Variants in NOTCH1 observed in about 807,000 individuals in gnomAD.
The protein encoded by NOTCH1 is neurogenic locus notch homolog protein 1.
A neutral mutation model predicts 254.8 loss-of-function variants in NOTCH1; 37 were observed. The ratio of observed to expected loss-of-function variants is 0.15; its 90% CI spans 0.11 to 0.19. NOTCH1 has a LOEUF of 0.19. Among genes scored for constraint, NOTCH1 ranks in the 10% least tolerant of loss-of-function variants. NOTCH1 has a pLI of 1.00. For synonymous variants in NOTCH1, 1,731 were observed against 1,618.1 expected, an observed-to-expected ratio of 1.07 and a Z score of -1.68; for missense variants, 2,972 against 3,708.6, an observed-to-expected ratio of 0.80 and a Z score of 5.16.
intron 33 of NOTCH1, 117 bp downstream of exon 33, chr9:136,498,782 C>T (rs992687852): frequency 4.5e-5 from 55 of 1,226,402 alleles, no homozygotes; most frequent in African/African-American, 1.0e-4. Flanking sequence ...GCGGGCCCAG[C>T]GACCCTCGAG....
Position 136,506,561 on chromosome 9 carries a change from T to C in NOTCH1, c.3980A>G (p.Asn1327Ser), listed in dbSNP as rs751874720. 110 of 1,609,926 alleles carry C rather than the reference T, an allele frequency of 6.8e-5. 1 individual carries two copies. Among genetic ancestry groups the C allele is most frequent in the Non-Finnish European group, 8.8e-5 (104 of 1,179,306 alleles). ...CTTGCAGATGAACCCGCGGGCGGTG[T>C]TGGAGGCCACGGCGCAGGTGCCCCC... ...KNGGTCAVAS[N>S]TARGFICKCP... is the part of the protein sequence containing the mutation. Residue 1327 changes from asparagine to serine, a missense_variant, in exon 24 of 34, where the codon AAC becomes AGC. Asn to Ser is a conservative substitution (Grantham distance 46). Transcript: ENST00000651671. The surrounding 1 kb of genome is among the most constrained non-coding windows in gnomAD (Gnocchi z 4.5).
chr9:136,507,083 C>G, intron 22 of NOTCH1, 110 bp from the exon 23 acceptor site: 4 of 1,513,144 alleles, frequency 2.6e-6, no homozygotes, highest in Non-Finnish European at 3.6e-6. Flanking sequence ...CACGGACACT[C>G]GGGAGAGGCA....
At position 136,503,234 on chromosome 9, in the gene NOTCH1, C is replaced by T. The variant is rs201797774; in HGVS notation, c.5115G>A (p.Ala1705=). 26 of 1,612,800 alleles carry T rather than the reference C, an allele frequency of 1.6e-5. No homozygotes were observed. The East Asian group carries it at 4.9e-4, about 30-fold the overall frequency. ...SATDVAAFLG[A]LASLGSLNIP... ...TGTTGAGGCTGCCCAGCGAGGCGAG[C>T]GCTCCCAGGAATGCGGCCACGTCGG... Residue 1705 remains alanine, a synonymous_variant, in exon 27 of 34, where the codon GCG becomes GCA. Coordinates refer to ENST00000651671, the MANE Select transcript of NOTCH1 (RefSeq NM_017617.5).
intron 17 of NOTCH1, 44 bp from the exon 18 acceptor site, chr9:136,510,005 C>T (rs563839273): frequency 1.9e-6 from 3 of 1,569,642 alleles, no homozygotes; most frequent in Non-Finnish European, 2.6e-6. Flanking sequence ...AGGCACAAAC[C>T]CACACCTGCG....
At chr9:136,530,229 C>A (rs1031376851) in intron 2 of NOTCH1, among the ~76,000 whole-genome samples, 2 of 152,196 alleles carry the variant, frequency 1.3e-5, no homozygotes, top group Non-Finnish European at 2.9e-5. Flanking sequence ...GTTGCCGGCA[C>A]CCCCAGCTCT....
rs775954871 is a variant in NOTCH1, at chr9:136,509,979, G to T, written c.2741-18C>A. 6.2e-7 allele frequency: 1 copy of T among 1,609,672 alleles called. No homozygotes were observed. Among genetic ancestry groups the T allele is most frequent in the East Asian group, 2.2e-5 (1 of 44,868 alleles). On this transcript the variant is annotated intron_variant, in intron 17 of 33. Transcript: ENST00000651671. The stretch of plus-strand genomic sequence containing the variant: ...ACACGGGTCTGGGAGAGGACGGAAG[G>T]GTGAGTGTGAGGGGCAGGCACAAAC...
intron 27 of NOTCH1, chr9:136,502,746 T>C: frequency 1.7e-6 from 1 of 572,984 alleles, no homozygotes; most frequent in South Asian, 2.1e-5. Flanking sequence ...GGAGGATTAG[T>C]CAACTTCAAA....
intron 4 of NOTCH1, among the ~76,000 whole-genome samples, chr9:136,521,640 A>C (rs1379572291): frequency 1.3e-5 from 2 of 152,136 alleles, no homozygotes; most frequent in Non-Finnish European, 2.9e-5. Context: ...CCACCAGCAG[A>C]AGGGCTCTGC....
chr9:136,524,197 G>A (rs1279619868), intron 2 of NOTCH1, among the ~76,000 whole-genome samples: 2 of 152,336 alleles, frequency 1.3e-5, no homozygotes, highest in African/African-American at 4.8e-5. Flanking sequence ...GAATGCCACT[G>A]AATGAGGCTG....
intron 2 of NOTCH1, among the ~76,000 whole-genome samples, chr9:136,529,212 TGGACTGGCTGGGG>T (rs1843520674): frequency 6.6e-6 from 1 of 152,196 alleles, no homozygotes; most frequent in Admixed American, 6.5e-5. Context: ...GGGCCATATG[TGGACTGGCTGGGG>T]GGACACTGTG....
Position 136,545,742 on chromosome 9 carries a change from G to A in NOTCH1, c.45C>T (p.Pro15=), listed in dbSNP as rs764936481. Reference sequence around the variant, plus strand: ...GGCGCCTACCTCGTGCGGCGAGCGCGGGCAGCAGCGCCAGGCAGAGCAGGG... The same window carrying A: ...GGCGCCTACCTCGTGCGGCGAGCGCAGGCAGCAGCGCCAGGCAGAGCAGGG... ...LAPLLCLALL[P]ALAARGPRCS... The change falls in exon 1 of 34, where the codon CCC becomes CCT. Residue 15 remains proline (P), a synonymous_variant. Coordinates refer to ENST00000651671, the MANE Select transcript of NOTCH1 (RefSeq NM_017617.5). The surrounding 1 kb of genome is among the most constrained non-coding windows in gnomAD (Gnocchi z 6.8). The A allele has an allele frequency of 3.5e-6, 5 of 1,423,994 alleles. No individual in the cohort carries two copies. Among genetic ancestry groups the A allele is most frequent in the South Asian group, 2.8e-5 (2 of 71,580 alleles). The allele number at this position is 1,423,994 out of a possible 1,614,324, so 88.2% of individuals were successfully genotyped here.
At chr9:136,521,978 T>A (rs11574876) in intron 4 of NOTCH1, among the ~76,000 whole-genome samples, 1 of 136,158 alleles carries the variant, frequency 7.3e-6, no homozygotes, top group Non-Finnish European at 1.6e-5. Flanking sequence ...TTCTCTTCAC[T>A]TTTTTTTTTT....
In NOTCH1 at chr9:136,497,517, G is replaced by A. The variant is rs764551640; in HGVS notation, c.6222C>T (p.Tyr2074=). 5.7e-5 allele frequency: 92 copies of A among 1,610,256 alleles called. No individual in the cohort carries two copies. Among genetic ancestry groups the A allele is most frequent in the Non-Finnish European group, 7.3e-5 (86 of 1,178,970 alleles). ...PLFLAAREGS[Y]ETAKVLLDHF... ...GGTCCAGCAGCACCTTGGCGGTCTC[G>A]TAGCTGCCCTCCCGGGCGGCCAGAA... Residue 2074 remains tyrosine, a synonymous_variant, in exon 34 of 34, where the codon TAC becomes TAT. Transcript: ENST00000651671.
rs968324885 is a variant in NOTCH1 at position 136,512,914 on chromosome 9, C to A, written c.2467+107G>T. The stretch of plus-strand genomic sequence containing the variant: ...GTCACGGCTTCCCAGGCCGCCCCCA[C>A]CCCTGGCCCCACCCTCTCCAGCACA... On this transcript the variant is annotated intron_variant, in intron 15 of 33. Transcript: ENST00000651671. 3.2e-4 allele frequency: 130 copies of A among 409,060 alleles called. 3 individuals are homozygous for A. The highest frequency in any genetic ancestry group is 2.2e-3 in the African/African-American group (109 of 48,698). The allele number at this position is 409,060 out of a possible 1,614,324, so 25.3% of individuals were successfully genotyped here. A position where few individuals can be genotyped will look rare whatever the true frequency, so the allele number is the denominator to read the frequency against.
intron 19 of NOTCH1, among the ~76,000 whole-genome samples, chr9:136,508,669 T>C (rs557799583): frequency 4.2e-4 from 64 of 152,318 alleles, no homozygotes; most frequent in African/African-American, 1.5e-3. Flanking sequence ...TCCAGAAACC[T>C]GGGATTGAAA....
intron 31 of NOTCH1, 52 bp downstream of exon 31, chr9:136,500,500 C>T (rs1589055329): frequency 6.3e-7 from 1 of 1,599,908 alleles, no homozygotes. Flanking sequence ...TGCCCCAGAC[C>T]ACCAGGCGGC....
At chr9:136,543,327 A>C (rs1374858062) in intron 2 of NOTCH1, 2 of 214,442 alleles carry the variant, frequency 9.3e-6, no homozygotes, top group African/African-American at 5.3e-5. Context: ...GGCATCACCC[A>C]CCTAGAGGAG....
At chr9:136,524,639 C>CTTTTTTTTTTTT (rs869128901) in intron 2 of NOTCH1, among the ~76,000 whole-genome samples, 22 of 54,396 alleles carry the variant, frequency 4.0e-4, no homozygotes, top group Non-Finnish European at 4.5e-4. Context: ...TTTTTCTTTT[C>CTTTTTTTTTTTT]TTTTTTTTTT....
intron 2 of NOTCH1, among the ~76,000 whole-genome samples, chr9:136,530,541 C>T (rs1387752757): frequency 2.6e-5 from 4 of 152,318 alleles, no homozygotes; most frequent in African/African-American, 9.6e-5. Flanking sequence ...TGCCAAGACA[C>T]AGCCCAGCAG....
Sources: gnomAD v4.1 joint callset for allele counts (sites outside exome capture counted in the v4.1 genomes callset) on GRCh38, gnomAD v4.1.1 for gene constraint, Gnocchi (gnomAD v3.1) non-coding constraint, MANE v1.5 for transcripts, NCBI Gene and HGNC (gene_info 2026-07-23, HGNC 2026-07-21) for gene names.